KCNH8: variants seen among roughly 807,000 people sequenced by gnomAD.
KCNH8 encodes voltage-gated delayed rectifier potassium channel KCNH8.
KCNH8 carries 70 observed loss-of-function variants against 103.6 expected under a neutral mutation model. The observed-to-expected ratio is 0.68, with a 90% CI of 0.56 to 0.82. The LOEUF is 0.82. KCNH8 is among the 40% of genes least tolerant of loss of function. The probability of loss-of-function intolerance (pLI) is 0.00; values close to 1 mark genes in which losing one functional copy is unlikely to be tolerated. For synonymous variants in KCNH8, 498 were observed against 489.4 expected, an observed-to-expected ratio of 1.02 and a Z score of -0.23; for missense variants, 1,217 against 1,329.9, an observed-to-expected ratio of 0.92 and a Z score of 1.32.
intron 1 of KCNH8, among the ~76,000 whole-genome samples, chr3:19,149,766 G>A (rs948044472): frequency 6.6e-6 from 1 of 152,154 alleles, no homozygotes; most frequent in Admixed American, 6.5e-5. Context: ...TCTGTGCACT[G>A]TCTTCCATTT....
At chr3:19,223,068 A>G (rs1404264931) in intron 1 of KCNH8, among the ~76,000 whole-genome samples, 4 of 152,194 alleles carry the variant, frequency 2.6e-5, no homozygotes, top group Non-Finnish European at 5.9e-5. Context: ...TAGAAGAGTA[A>G]TTAGCACTCT....
intron 3 of KCNH8, among the ~76,000 whole-genome samples, chr3:19,323,562 C>T (rs896507898): frequency 1.3e-5 from 2 of 152,066 alleles, no homozygotes; most frequent in African/African-American, 2.4e-5. Flanking sequence ...GTGATCTTTT[C>T]GGGTGTTAAA....
chr3:19,231,844 T>C (rs901734158), intron 1 of KCNH8, among the ~76,000 whole-genome samples: 1 of 152,230 alleles, frequency 6.6e-6, no homozygotes, highest in African/African-American at 2.4e-5. Flanking sequence ...GAGCTTGTCT[T>C]CATTTGCAAA....
chr3:19,484,419 T>C (rs1042240844), intron 11 of KCNH8, among the ~76,000 whole-genome samples: 3 of 152,230 alleles, frequency 2.0e-5, no homozygotes, highest in East Asian at 1.9e-4. Flanking sequence ...GTTTTTACTA[T>C]ACAAGTCCAA....
intron 3 of KCNH8, among the ~76,000 whole-genome samples, chr3:19,305,070 C>T (rs899414180): frequency 3.8e-4 from 57 of 149,420 alleles, no homozygotes; most frequent in African/African-American, 1.4e-3. Flanking sequence ...CTGTTAACTG[C>T]AAACAAAAAG....
intron 3 of KCNH8, among the ~76,000 whole-genome samples, chr3:19,307,854 A>G (rs2065150236): frequency 6.6e-6 from 1 of 151,898 alleles, no homozygotes; most frequent in Non-Finnish European, 1.5e-5. Context: ...TGATCTGACA[A>G]AAGTAAAAAG....
intron 7 of KCNH8, among the ~76,000 whole-genome samples, chr3:19,433,549 A>C (rs974967988): frequency 6.6e-6 from 1 of 152,224 alleles, no homozygotes; most frequent in Non-Finnish European, 1.5e-5. Context: ...ACTGAATTCT[A>C]TGAAGGATCA....
intron 2 of KCNH8, among the ~76,000 whole-genome samples, chr3:19,266,480 A>T (rs1317811775): frequency 6.6e-6 from 1 of 152,114 alleles, no homozygotes; most frequent in African/African-American, 2.4e-5. Flanking sequence ...GAGGCTTTCA[A>T]CTATGACCTT....
chr3:19,315,826 T>G (rs2065266279), intron 3 of KCNH8, among the ~76,000 whole-genome samples: 1 of 151,918 alleles, frequency 6.6e-6, no homozygotes, highest in East Asian at 1.9e-4. Flanking sequence ...AATTTTTCTT[T>G]TAAGGAAAAA....
chr3:19,299,023 CTA>C (rs1338963813), intron 3 of KCNH8, among the ~76,000 whole-genome samples: 1 of 151,334 alleles, frequency 6.6e-6, no homozygotes, highest in Admixed American at 6.6e-5. Flanking sequence ...GAGACAAAGC[CTA>C]TGTTTTGAGC....
chr3:19,228,664 G>A (rs1326548886), intron 1 of KCNH8, among the ~76,000 whole-genome samples: 4 of 152,070 alleles, frequency 2.6e-5, no homozygotes, highest in Non-Finnish European at 4.4e-5. Context: ...ATAAAATGAT[G>A]TTTATTTGTG....
intron 11 of KCNH8, among the ~76,000 whole-genome samples, chr3:19,507,565 T>C (rs1278878606): frequency 2.6e-5 from 4 of 152,078 alleles, no homozygotes; most frequent in South Asian, 2.1e-4. Context: ...GGCAGAGGGA[T>C]TGTGGGTTTT....
Position 19,477,950 on chromosome 3 carries a change from A to G in KCNH8, c.2040+20968A>G, listed in dbSNP as rs367768709. On this transcript the variant is annotated intron_variant, in intron 11 of 15. Transcript: ENST00000328405. Reference sequence around the variant, plus strand: ...CACCCTTTTTTCATCTCCAATATCTATTATTCCACTCTGTATGTCCATGTA... The same window carrying G: ...CACCCTTTTTTCATCTCCAATATCTGTTATTCCACTCTGTATGTCCATGTA... Among the ~76,000 whole-genome samples the G allele has an allele frequency of 3.0e-3, 449 of 151,646 alleles. 1 individual carries two copies. The highest frequency in any genetic ancestry group is 4.8e-3 in the Non-Finnish European group (324 of 67,968).
At chr3:19,279,419 T>C (rs2064724360) in intron 2 of KCNH8, among the ~76,000 whole-genome samples, 1 of 152,094 alleles carries the variant, frequency 6.6e-6, no homozygotes, top group South Asian at 2.1e-4. Context: ...TCCAGATGGG[T>C]TAATCGACTT....
chr3:19,491,104 T>C (rs2068310234), intron 11 of KCNH8, among the ~76,000 whole-genome samples: 1 of 152,220 alleles, frequency 6.6e-6, no homozygotes, highest in South Asian at 2.1e-4. Flanking sequence ...ATGAAATTAT[T>C]CAGATAGCCC....
At chr3:19,421,531 T>C (rs575229112) in intron 7 of KCNH8, among the ~76,000 whole-genome samples, 4 of 152,220 alleles carry the variant, frequency 2.6e-5, no homozygotes, top group African/African-American at 9.6e-5. Context: ...TTACATTTCC[T>C]TTTTGATTTT....
chr3:19,322,574 T>C (rs1285378321), intron 3 of KCNH8, among the ~76,000 whole-genome samples: 1 of 152,186 alleles, frequency 6.6e-6, no homozygotes, highest in African/African-American at 2.4e-5. Flanking sequence ...GTTAATCTGA[T>C]AGGTTTTCTT....
At chr3:19,515,473 T>C (rs1296343757) in intron 14 of KCNH8, 45 bp downstream of exon 14, 4 of 1,023,508 alleles carry the variant, frequency 3.9e-6, no homozygotes, top group Non-Finnish European at 5.4e-6. Flanking sequence ...ATATTTCTTA[T>C]TAACTTGTAA....
At chr3:19,191,578 T>G (rs2125210106) in intron 1 of KCNH8, among the ~76,000 whole-genome samples, 1 of 151,878 alleles carries the variant, frequency 6.6e-6, no homozygotes, top group East Asian at 1.9e-4. Flanking sequence ...TTACTATGAT[T>G]ATTCTTTTTT....
Sources: allele counts gnomAD v4.1 joint callset (sites outside exome capture counted in the v4.1 genomes callset), GRCh38; gene constraint gnomAD v4.1.1; transcripts MANE v1.5; gene names NCBI Gene and HGNC (gene_info 2026-07-23, HGNC 2026-07-21).